Variants in TENM1 observed in about 807,000 individuals in gnomAD.
The protein encoded by TENM1 is teneurin transmembrane protein 1.
Under a neutral mutation model 174.8 loss-of-function variants are expected in TENM1, and 35 were observed. The ratio of observed to expected loss-of-function variants is 0.20; its 90% CI spans 0.15 to 0.27. The LOEUF (loss-of-function observed/expected upper bound fraction) is 0.27. Among genes scored for constraint, TENM1 ranks in the 10% least tolerant of loss-of-function variants. The pLI is 1.00. For synonymous variants in TENM1, 781 were observed against 798.7 expected, an observed-to-expected ratio of 0.98 and a Z score of 0.37; for missense variants, 1,633 against 2,130.1, an observed-to-expected ratio of 0.77 and a Z score of 4.59.
chrX:124,878,796 C>G (rs977367855), intron 3 of TENM1, among the ~76,000 whole-genome samples: 3 of 111,475 alleles, frequency 2.7e-5, no homozygotes, highest in Non-Finnish European at 3.8e-5. Flanking sequence ...TCCTAGGTGC[C>G]TAACCCTACA....
the TENM1 span, among the ~76,000 whole-genome samples, chrX:125,126,868 T>G: frequency 9.0e-6 from 1 of 111,605 alleles, no homozygotes; most frequent in Non-Finnish European, 1.9e-5. Context: ...ATGGGTTGGA[T>G]GGAGTATTTT....
chrX:125,130,886 C>T, the TENM1 span, among the ~76,000 whole-genome samples: 2 of 111,081 alleles, frequency 1.8e-5, no homozygotes, highest in African/African-American at 6.5e-5. Flanking sequence ...ATAGGGGAGA[C>T]ACTCGGTAAA....
At chrX:124,462,428 G>C (rs2061186017) in intron 22 of TENM1, among the ~76,000 whole-genome samples, 1 of 82,062 alleles carries the variant, frequency 1.2e-5, no homozygotes, top group Admixed American at 1.4e-4. Flanking sequence ...CTGTGTGTGT[G>C]TGTGGGGGGG....
At chrX:125,057,680 A>G in the TENM1 span, among the ~76,000 whole-genome samples, 2 of 111,736 alleles carry the variant, frequency 1.8e-5, no homozygotes, top group East Asian at 2.8e-4. Flanking sequence ...GACAGCTGCT[A>G]TATTGAGTAA....
chrX:125,026,631 A>C, the TENM1 span, among the ~76,000 whole-genome samples: 1 of 112,266 alleles, frequency 8.9e-6, no homozygotes, highest in Non-Finnish European at 1.9e-5. Flanking sequence ...AAATCCTTAA[A>C]AGAAATTACT....
chrX:124,470,821 C>T (rs966835275), intron 22 of TENM1, among the ~76,000 whole-genome samples: 2 of 109,005 alleles, frequency 1.8e-5, no homozygotes, highest in African/African-American at 6.7e-5. Flanking sequence ...GGAGAGCTGT[C>T]ATCTATGAAA....
chrX:124,545,708 G>A (rs1395501581), intron 15 of TENM1, among the ~76,000 whole-genome samples: 5 of 111,410 alleles, frequency 4.5e-5, no homozygotes, highest in Non-Finnish European at 9.4e-5. Flanking sequence ...GAAAGTCACT[G>A]CAGAGTTGTT....
intron 16 of TENM1, among the ~76,000 whole-genome samples, chrX:124,528,301 C>T (rs1476635264): frequency 9.0e-6 from 1 of 111,241 alleles, no homozygotes; most frequent in Non-Finnish European, 1.9e-5. Context: ...TTAATGTTCC[C>T]TGTAAACTGT....
At chrX:125,130,647 A>G in the TENM1 span, among the ~76,000 whole-genome samples, 1 of 102,999 alleles carries the variant, frequency 9.7e-6, no homozygotes, top group African/African-American at 3.5e-5. Flanking sequence ...TCAACTTTTA[A>G]GTCAGCTTGA....
chrX:124,973,900 T>C, the TENM1 span, among the ~76,000 whole-genome samples: 1 of 111,534 alleles, frequency 9.0e-6, no homozygotes, highest in Non-Finnish European at 1.9e-5. Flanking sequence ...TAAGTGGGAA[T>C]TGGACAATGA....
At chrX:125,006,851 A>C in the TENM1 span, among the ~76,000 whole-genome samples, 1 of 111,628 alleles carries the variant, frequency 9.0e-6, no homozygotes, top group African/African-American at 3.3e-5. Context: ...ACCTCCCCCC[A>C]ACAAAAAAAC....
At position 124,382,770 on chromosome X, in the gene TENM1, T is replaced by C. The variant is rs779718776; in HGVS notation, c.7340A>G (p.Asn2447Ser). 9 of 1,201,399 alleles carry C rather than the reference T, an allele frequency of 7.5e-6. No homozygotes were observed. In the South Asian group the frequency reaches 9.1e-5, roughly 12 times the overall value. The change falls in exon 31 of 32, where the codon AAT becomes AGT. Residue 2447 changes from asparagine (N) to serine (S), a missense_variant. Physicochemically the swap from Asn to Ser is conservative, Grantham distance 46. Around this residue, in one of 4 missense-constraint regions of TENM1, gnomAD observed 807 missense variants for 1,125.3 expected, o/e 0.72. Transcript: ENST00000422452. ...AGGTTTGGGAAATCCAGGTAGTACA[T>C]TGTGTAATTGGAAACCAAATAGCTC...
At chrX:124,713,039 C>G (rs765975615) in intron 4 of TENM1, among the ~76,000 whole-genome samples, 1 of 111,363 alleles carries the variant, frequency 9.0e-6, no homozygotes, top group Admixed American at 9.5e-5. Flanking sequence ...ATTCTTTCTT[C>G]CAAATACTAA....
At position 124,918,715 on chromosome X, in the gene TENM1, C is replaced by T. The variant is rs745524155; in HGVS notation, c.218-22474G>A. ...TGCCTACTTTGTGCCAGACACTGTG[C>T]GAAGACCTATCCATATATTTCGCAC... On this transcript the variant is annotated intron_variant, in intron 1 of 31. Transcript: ENST00000422452. 1.2e-4 allele frequency among the ~76,000 whole-genome samples: 13 copies of T among 111,766 alleles called. No individual in the cohort carries two copies. In the East Asian group the frequency reaches 2.0e-3, roughly 17 times the overall value.
chrX:125,019,474 C>A, the TENM1 span, among the ~76,000 whole-genome samples: 1 of 111,226 alleles, frequency 9.0e-6, no homozygotes, highest in Non-Finnish European at 1.9e-5. Flanking sequence ...AAAGTTGAGA[C>A]TAAAAATTCT....
chrX:125,154,423 T>C, the TENM1 span, among the ~76,000 whole-genome samples: 1 of 111,785 alleles, frequency 8.9e-6, no homozygotes, highest in Non-Finnish European at 1.9e-5. Flanking sequence ...ACAGCAAGAG[T>C]ATAACCCAAA....
intron 27 of TENM1, among the ~76,000 whole-genome samples, chrX:124,397,732 G>A (rs1436487790): frequency 3.7e-5 from 4 of 109,278 alleles, no homozygotes; most frequent in Non-Finnish European, 7.6e-5. Flanking sequence ...TGAGTAGCTG[G>A]GATTATAGGC....
intron 11 of TENM1, among the ~76,000 whole-genome samples, chrX:124,591,696 A>G (rs755912154): frequency 6.0e-4 from 67 of 111,522 alleles, no homozygotes; most frequent in Non-Finnish European, 1.0e-3. Flanking sequence ...TGCGGACTAC[A>G]TGCATTGGTG....
chrX:124,931,714 C>A (rs1196035519), intron 1 of TENM1, among the ~76,000 whole-genome samples: 1 of 111,025 alleles, frequency 9.0e-6, no homozygotes, highest in Non-Finnish European at 1.9e-5. Context: ...AGAAGGGAGG[C>A]AAACATTTTC....
Sources: allele counts gnomAD v4.1 joint callset (sites outside exome capture counted in the v4.1 genomes callset), GRCh38; gene constraint gnomAD v4.1.1; regional missense constraint gnomAD v4.1.1; transcripts MANE v1.5; gene names NCBI Gene and HGNC (gene_info 2026-07-23, HGNC 2026-07-21).